The following CCDC60 variants were observed in gnomAD, a reference collection of about 807,000 sequenced individuals.
CCDC60 encodes coiled-coil domain containing 60.
Under a neutral mutation model 63.5 loss-of-function variants are expected in CCDC60, and 54 were observed. The ratio of observed to expected loss-of-function variants is 0.85; its 90% CI spans 0.68 to 1.07. The LOEUF (loss-of-function observed/expected upper bound fraction) is 1.07. Ranked by LOEUF, CCDC60 falls within the 50% of genes least tolerant of loss-of-function variation. CCDC60 has a pLI of 0.00. For missense variants in CCDC60, 651 were observed against 684.3 expected (o/e 0.95, Z 0.54); for synonymous variants, 206 against 238.8 (o/e 0.86, Z 1.27).
At chr12:119,481,983 T>C (rs1951328735) in intron 4 of CCDC60, among the ~76,000 whole-genome samples, 1 of 134,844 alleles carries the variant, frequency 7.4e-6, no homozygotes, top group Non-Finnish European at 1.6e-5. Context: ...ATAGTATATA[T>C]ATGTATATAT....
intron 13 of CCDC60, among the ~76,000 whole-genome samples, chr12:119,532,430 T>TATTATTATCATC (rs965773804): frequency 2.0e-5 from 3 of 147,654 alleles, no homozygotes; most frequent in African/African-American, 7.6e-5. Flanking sequence ...TTATTATTAT[T>TATTATTATCATC]ATCATTATAC....
chr12:119,515,842 C>A (rs943220975), intron 7 of CCDC60, among the ~76,000 whole-genome samples: 1 of 152,180 alleles, frequency 6.6e-6, no homozygotes, highest in African/African-American at 2.4e-5. Context: ...TTGGCATCCA[C>A]ATGGAATCAA....
chr12:119,434,278 CT>C (rs57196100), intron 2 of CCDC60, among the ~76,000 whole-genome samples: 1 of 150,744 alleles, frequency 6.6e-6, no homozygotes, highest in East Asian at 1.9e-4. Context: ...AGAAGCTATT[CT>C]TTTTTTTTGG....
At chr12:119,436,667 T>C (rs981545325) in intron 2 of CCDC60, among the ~76,000 whole-genome samples, 33 of 151,608 alleles carry the variant, frequency 2.2e-4, no homozygotes, top group African/African-American at 7.8e-4. Context: ...GCCTCCCGAG[T>C]AGCTGGGATT....
intron 5 of CCDC60, among the ~76,000 whole-genome samples, chr12:119,498,557 G>A (rs1348855405): frequency 6.6e-6 from 1 of 152,050 alleles, no homozygotes; most frequent in African/African-American, 2.4e-5. Context: ...GGCTGGTCTC[G>A]AACTTCTCAT....
chr12:119,348,401 A>G lies in CCDC60; in HGVS notation c.90+13135A>G, dbSNP rs1955619437. 2.0e-5 allele frequency among the ~76,000 whole-genome samples: 3 copies of G among 152,286 alleles called. No individual in the cohort carries two copies. In the South Asian group the frequency reaches 6.2e-4, roughly 32 times the overall value. On this transcript the variant is annotated intron_variant, in intron 1 of 13. Coordinates refer to ENST00000327554, the MANE Select transcript of CCDC60 (RefSeq NM_178499.5). ...CCCAGTCCCCTGTTCCTTGTGTTCT[A>G]TGGTTCAGGATTTAAATTGCCTCAG...
chr12:119,506,165 C>G (rs1346623264), intron 7 of CCDC60, among the ~76,000 whole-genome samples: 2 of 152,130 alleles, frequency 1.3e-5, no homozygotes, highest in Non-Finnish European at 2.9e-5. Flanking sequence ...CCCAGAGCCC[C>G]CAGGCAACCA....
At chr12:119,526,633 C>T (rs1311236850) in intron 11 of CCDC60, among the ~76,000 whole-genome samples, 3 of 152,154 alleles carry the variant, frequency 2.0e-5, no homozygotes, top group African/African-American at 7.2e-5. Flanking sequence ...AGAAGGCATA[C>T]ATTGTGGCCA....
In CCDC60 at chr12:119,448,884, A is replaced by G. The variant is rs372176160; in HGVS notation, c.170+20122A>G. Among the ~76,000 whole-genome samples, 10 of 152,262 alleles carry G rather than the reference A, an allele frequency of 6.6e-5. No individual in the cohort carries two copies. In the East Asian group the frequency reaches 9.7e-4, roughly 15 times the overall value. ...CAGGTTTTTATCCCTCTTCTTCCAG[A>G]AGAAATGCAGTCCTCTTACACAGCG... On this transcript the variant is annotated intron_variant, in intron 2 of 13. Coordinates refer to ENST00000327554, the MANE Select transcript of CCDC60 (RefSeq NM_178499.5).
intron 10 of CCDC60, among the ~76,000 whole-genome samples, 190 bp downstream of exon 10, chr12:119,523,191 T>C (rs1289704911): frequency 6.6e-6 from 1 of 152,158 alleles, no homozygotes; most frequent in Non-Finnish European, 1.5e-5. Context: ...ATGCAGACAA[T>C]GGCAAGAAAC....
rs763771636 is a variant in CCDC60, at chr12:119,527,778, G to A, written c.1230-837G>A. Reference sequence around the variant, plus strand: ...TGCAAGCTCCGCCTCCTGGGTTCACGCCATTCTCCCGCCTCAGTCTCCCGA... The same window carrying A: ...TGCAAGCTCCGCCTCCTGGGTTCACACCATTCTCCCGCCTCAGTCTCCCGA... On this transcript the variant is annotated intron_variant, in intron 11 of 13. Coordinates refer to ENST00000327554, the MANE Select transcript of CCDC60 (RefSeq NM_178499.5). Among the ~76,000 whole-genome samples, 48 of 144,086 alleles carry A rather than the reference G, an allele frequency of 3.3e-4. 1 individual carries two copies. The highest frequency in any genetic ancestry group is 6.6e-4 in the Non-Finnish European group (44 of 66,764). 94.5% of individuals were successfully genotyped at this position (144,086 alleles called of 152,430 possible). A position where few individuals can be genotyped will look rare whatever the true frequency, so the allele number is the denominator to read the frequency against.
In CCDC60 at chr12:119,488,791, A is replaced by C; in HGVS notation, c.482A>C (p.His161Pro). The change falls in exon 5 of 14, where the codon CAC becomes CCC. Residue 161 changes from histidine (H) to proline (P), a missense_variant. Physicochemically the swap from His to Pro is moderately conservative, Grantham distance 77 (BLOSUM62 -2). Coordinates refer to ENST00000327554, the MANE Select transcript of CCDC60 (RefSeq NM_178499.5). ...EPLFRQLCAL[H>P]WLLEALTIDH... ...CTCTTCCGCCAGCTCTGTGCTCTCC[A>C]CTGGCTTCTGGAGGCCCTGACTATT... 6.2e-7 allele frequency: 1 copy of C among 1,614,092 alleles called. No homozygotes were observed. Among genetic ancestry groups the C allele is most frequent in the Non-Finnish European group, 8.5e-7 (1 of 1,180,002 alleles).
At chr12:119,361,151 G>A (rs2136165819) in intron 1 of CCDC60, among the ~76,000 whole-genome samples, 1 of 147,658 alleles carries the variant, frequency 6.8e-6, no homozygotes, top group Admixed American at 6.9e-5. Flanking sequence ...GGAGACCATG[G>A]GGAGAGGGAG....
chr12:119,488,916 T>C (rs766441982), intron 5 of CCDC60, 50 bp downstream of exon 5: 1 of 1,436,682 alleles, frequency 7.0e-7, no homozygotes, highest in South Asian at 1.1e-5. Flanking sequence ...GGCTGGGCAG[T>C]GGGGAAGAGA....
intron 1 of CCDC60, among the ~76,000 whole-genome samples, chr12:119,387,060 ACACACACACACACACT>A (rs1956074872): frequency 6.7e-6 from 1 of 149,200 alleles, no homozygotes; most frequent in African/African-American, 2.5e-5. Context: ...ACACACACAC[ACACACACACACACACT>A]CTCCAATTAA....
chr12:119,519,361 A>G (rs1222831141), intron 8 of CCDC60, among the ~76,000 whole-genome samples: 1 of 151,530 alleles, frequency 6.6e-6, no homozygotes, highest in Non-Finnish European at 1.5e-5. Flanking sequence ...TCCTCATCCC[A>G]GAATCCACTG....
At chr12:119,527,961 T>G (rs1952736130) in intron 11 of CCDC60, among the ~76,000 whole-genome samples, 2 of 151,884 alleles carry the variant, frequency 1.3e-5, no homozygotes, top group African/African-American at 4.8e-5. Context: ...CATGATCCAC[T>G]GCGCCCGGCA....
intron 1 of CCDC60, among the ~76,000 whole-genome samples, chr12:119,396,019 C>A (rs191761806): frequency 6.6e-6 from 1 of 152,042 alleles, no homozygotes; most frequent in Non-Finnish European, 1.5e-5. Context: ...CTCACTGCAA[C>A]CTCTGCCTCC....
In CCDC60 at chr12:119,505,174, A is replaced by G. The variant is rs1951961963; in HGVS notation, c.754A>G (p.Ser252Gly). The change falls in exon 7 of 14, where the codon AGC (serine) becomes GGC (glycine). Residue 252 changes from serine to glycine, a missense_variant. Physicochemically the swap from Ser to Gly is moderately conservative, Grantham distance 56. Transcript: ENST00000327554. ...SRASGGSSPQ[S>G]SMISVNPGSD... ...GGCCAGTGGGGGGTCCTCTCCCCAG[A>G]GCAGCATGATCTCTGTGAACCCTGG... The G allele has an allele frequency of 1.2e-6, 2 of 1,614,008 alleles. No homozygotes were observed. Among genetic ancestry groups the G allele is most frequent in the African/African-American group, 1.3e-5 (1 of 74,922 alleles).
Sources: allele counts gnomAD v4.1 joint callset (sites outside exome capture counted in the v4.1 genomes callset), GRCh38; gene constraint gnomAD v4.1.1; transcripts MANE v1.5; gene names NCBI Gene and HGNC (gene_info 2026-07-23, HGNC 2026-07-21).